Variants in FSTL4 observed in about 807,000 individuals in gnomAD.
FSTL4 encodes the protein follistatin like 4.
In FSTL4, 28 loss-of-function variants were observed where a neutral mutation model predicts 78.2. The observed-to-expected ratio is 0.36, with a 90% CI of 0.27 to 0.49. FSTL4 has a LOEUF of 0.49. Ranked by LOEUF, FSTL4 falls within the 20% of genes least tolerant of loss-of-function variation. FSTL4 has a pLI of 0.98. For synonymous variants in FSTL4, 422 were observed against 440.5 expected, an observed-to-expected ratio of 0.96 and a Z score of 0.53; for missense variants, 922 against 1,084.9, an observed-to-expected ratio of 0.85 and a Z score of 2.11.
At chr5:133,525,289 C>G (rs1438593151) in intron 3 of FSTL4, among the ~76,000 whole-genome samples, 3 of 152,204 alleles carry the variant, frequency 2.0e-5, no homozygotes, top group African/African-American at 7.2e-5. Flanking sequence ...GGGTTGTTTC[C>G]CCCTGCACTG....
At chr5:133,432,912 A>C (rs925436828) in intron 3 of FSTL4, among the ~76,000 whole-genome samples, 2 of 152,310 alleles carry the variant, frequency 1.3e-5, no homozygotes, top group Middle Eastern at 3.4e-3. Context: ...GCAATTTTTC[A>C]TATGCTTCTG....
chr5:133,279,086 T>A (rs895053931), intron 6 of FSTL4, among the ~76,000 whole-genome samples: 1 of 152,214 alleles, frequency 6.6e-6, no homozygotes, highest in Non-Finnish European at 1.5e-5. Context: ...CAAAAGAATG[T>A]CAGTTTCTAT....
chr5:133,600,366 T>C (rs1176336966), intron 2 of FSTL4, among the ~76,000 whole-genome samples: 11 of 151,282 alleles, frequency 7.3e-5, no homozygotes, highest in Admixed American at 7.2e-4. Flanking sequence ...CAACTTACAG[T>C]GGGTTTATTT....
chr5:133,401,582 G>A (rs1446040346), intron 3 of FSTL4, among the ~76,000 whole-genome samples: 1 of 152,192 alleles, frequency 6.6e-6, no homozygotes, highest in Non-Finnish European at 1.5e-5. Context: ...AGATGAACAA[G>A]TCATACCTTT....
the FSTL4 span, among the ~76,000 whole-genome samples, chr5:133,762,963 T>A: frequency 6.6e-6 from 1 of 152,326 alleles, no homozygotes; most frequent in Admixed American, 6.5e-5. Flanking sequence ...TCCTCCTGCA[T>A]CTGAGCAGGA....
chr5:133,395,481 T>G (rs1449709440), intron 4 of FSTL4, among the ~76,000 whole-genome samples: 7 of 152,204 alleles, frequency 4.6e-5, no homozygotes, highest in Middle Eastern at 3.4e-3. Flanking sequence ...CTTTAAGAAC[T>G]TGTAACACTC....
Position 133,440,391 on chromosome 5 carries a change from T to C in FSTL4, c.161-39405A>G, listed in dbSNP as rs1460455243. On this transcript the variant is annotated intron_variant, in intron 3 of 15. Coordinates refer to ENST00000265342, the MANE Select transcript of FSTL4 (RefSeq NM_015082.2). This position sits in a 1 kb window ranked among gnomAD's most constrained non-coding sequence, Gnocchi z 4.1. Reference sequence around the variant, plus strand: ...GGAAGGCTCAGCATCTGTCAGCTTCTGCTCCACAGGCCCATGGGGAGCTCT... The same window carrying C: ...GGAAGGCTCAGCATCTGTCAGCTTCCGCTCCACAGGCCCATGGGGAGCTCT... 6.6e-5 allele frequency among the ~76,000 whole-genome samples: 10 copies of C among 152,226 alleles called. No homozygotes were observed. The highest frequency in any genetic ancestry group is 2.2e-4 in the African/African-American group (9 of 41,460).
chr5:133,421,981 T>A (rs1052750068), intron 3 of FSTL4, among the ~76,000 whole-genome samples: 1 of 151,984 alleles, frequency 6.6e-6, no homozygotes, highest in Non-Finnish European at 1.5e-5. Context: ...GATATTTAGA[T>A]AAGGTGGTCA....
chr5:133,616,364 G>C (rs1013180101), upstream of FSTL4, among the ~76,000 whole-genome samples: 2 of 122,812 alleles, frequency 1.6e-5, no homozygotes, highest in Non-Finnish European at 3.5e-5. Context: ...TAATTTTAAA[G>C]GTGAACTGCT....
chr5:133,818,931 C>CTATATATATATATATATATATATATA, the FSTL4 span, among the ~76,000 whole-genome samples: 592 of 61,658 alleles, frequency 9.6e-3, 83 homozygotes, highest in East Asian at 0.016. Flanking sequence ...TTAGAAGATA[C>CTATATATATATATATATATATATATA]TATATATATA....
chr5:133,253,156 C>A (rs187825585), intron 6 of FSTL4, among the ~76,000 whole-genome samples: 78 of 152,362 alleles, frequency 5.1e-4, no homozygotes, highest in East Asian at 2.5e-3. Context: ...TCTCCTTCCA[C>A]CCTCACTCCC....
the FSTL4 span, among the ~76,000 whole-genome samples, chr5:133,797,099 TG>T: frequency 6.6e-6 from 1 of 152,208 alleles, no homozygotes; most frequent in Non-Finnish European, 1.5e-5. Context: ...GACCATGGCC[TG>T]GCAAAATACA....
At chr5:133,775,419 T>C in the FSTL4 span, among the ~76,000 whole-genome samples, 1 of 152,192 alleles carries the variant, frequency 6.6e-6, no homozygotes, top group Admixed American at 6.5e-5. Flanking sequence ...CTAGAGATGC[T>C]GTAAACACAC....
chr5:133,655,823 T>G, the FSTL4 span, among the ~76,000 whole-genome samples: 1 of 152,194 alleles, frequency 6.6e-6, no homozygotes, highest in Non-Finnish European at 1.5e-5. Context: ...TCAGGCTGTA[T>G]TCCAAGTGCA....
rs112532802 is a variant in FSTL4 at position 133,582,827 on chromosome 5, C to T, written c.127-15608G>A. 6.4e-3 allele frequency among the ~76,000 whole-genome samples: 982 copies of T among 152,274 alleles called. 13 individuals carry two copies. The highest frequency in any genetic ancestry group is 0.022 in the African/African-American group (931 of 41,534). ...GTATAGATACCTCATCTGTCCTGGG[C>T]CCTGTATGTCCCTGGGCTATCCCTG... is the stretch of plus-strand genomic sequence containing the variant. On this transcript the variant is annotated intron_variant, in intron 2 of 15. Transcript: ENST00000265342.
intron 4 of FSTL4, among the ~76,000 whole-genome samples, chr5:133,392,357 A>G (rs1172113112): frequency 6.6e-6 from 1 of 152,156 alleles, no homozygotes; most frequent in Non-Finnish European, 1.5e-5. Flanking sequence ...CTGCAAGAGA[A>G]GGAGGGATCT....
chr5:133,366,809 T>G (rs1481057897), intron 4 of FSTL4, among the ~76,000 whole-genome samples: 1 of 151,936 alleles, frequency 6.6e-6, no homozygotes, highest in Non-Finnish European at 1.5e-5. Flanking sequence ...TGGGACCATT[T>G]TCAAGACTCC....
At chr5:133,607,615 GCCGC>G (rs1206507492) in intron 1 of FSTL4, among the ~76,000 whole-genome samples, 1 of 152,174 alleles carries the variant, frequency 6.6e-6, no homozygotes, top group Non-Finnish European at 1.5e-5. Flanking sequence ...CCCACCTGCT[GCCGC>G]CTGTCTGTTT....
the FSTL4 span, among the ~76,000 whole-genome samples, chr5:133,623,084 G>A: frequency 6.7e-6 from 1 of 148,564 alleles, no homozygotes. Flanking sequence ...GACTTAGGAT[G>A]AGGTCTTTTT....
Sources: allele counts gnomAD v4.1 joint callset (sites outside exome capture counted in the v4.1 genomes callset), GRCh38; gene constraint gnomAD v4.1.1; non-coding constraint Gnocchi (gnomAD v3.1); transcripts MANE v1.5; gene names NCBI Gene and HGNC (gene_info 2026-07-23, HGNC 2026-07-21).